The following TAS2R7 variants were observed in gnomAD, a reference collection of about 807,000 sequenced individuals.
TAS2R7 encodes the protein taste receptor type 2 member 7.
For missense variants in TAS2R7, 403 were observed against 366.0 expected (o/e 1.10, Z -0.82); for synonymous variants, 159 against 138.8 (o/e 1.15, Z -1.02).
chr12:10,801,906 C>T lies in TAS2R7; in HGVS notation c.665G>A (p.Cys222Tyr). Residue 222 changes from cysteine (C) to tyrosine (Y), a missense_variant, in exon 1 of 1, where the codon TGC becomes TAC. Physicochemically the swap from Cys to Tyr is radical, Grantham distance 194. Transcript: ENST00000240687. The stretch of plus-strand genomic sequence containing the variant: ...ATGGGCTTCTGTGCTGGGGTCTCTG[C>T]ACCCTGTGGCACTGAGCTGCATTCG... ...IRRMQLSATG[C>Y]RDPSTEAHVR... 1 of 1,613,944 alleles carries T rather than the reference C, an allele frequency of 6.2e-7. No homozygotes were observed. Among genetic ancestry groups the T allele is most frequent in the South Asian group, 1.1e-5 (1 of 91,076 alleles).
Position 10,802,227 on chromosome 12 carries a change from A to G in TAS2R7, c.344T>C (p.Phe115Ser), listed in dbSNP as rs757684928. 1.2e-6 allele frequency: 2 copies of G among 1,613,784 alleles called. No individual in the cohort carries two copies. The highest frequency in any genetic ancestry group is 2.2e-5 in the East Asian group (1 of 44,838). ...CTTCATCCAGAGGAAAAGTGGGTGA[A>G]AGAAATTACCTATCTTGAAGAAATA... ...IYYFFKIGNFFHPLFLWMKWR... is the reference protein window; with the variant it reads ...IYYFFKIGNFSHPLFLWMKWR... Residue 115 changes from phenylalanine to serine, a missense_variant, in exon 1 of 1, where the codon TTT becomes TCT. Transcript: ENST00000240687.
Position 10,801,815 on chromosome 12 carries a change from G to C in TAS2R7, c.756C>G (p.Leu252=). The C allele has an allele frequency of 6.2e-7, 1 of 1,614,000 alleles. No homozygotes were observed. The change falls in exon 1 of 1, where the codon CTC becomes CTG. Residue 252 remains leucine, a synonymous_variant. Coordinates refer to ENST00000240687, the MANE Select transcript of TAS2R7 (RefSeq NM_023919.2). ...LLFIAYYLSF[L]IATSSYFMPE... ...GCATAAAGTAGCTGGAGGTGGCAAT[G>C]AGAAAGGACAAATAGTAGGCAATAA...
Position 10,802,164 on chromosome 12 carries a change from CCCAGTAGAAT to C in TAS2R7, c.397_406del (p.Ile133GlyfsTer17). 1 of 1,613,696 alleles carries C rather than the reference CCCAGTAGAAT, an allele frequency of 6.2e-7. No individual in the cohort carries two copies. Among genetic ancestry groups the C allele is most frequent in the Non-Finnish European group, 8.5e-7 (1 of 1,179,898 alleles). On this transcript the variant is annotated frameshift_variant, in exon 1 of 1. Transcript: ENST00000240687. LOFTEE classifies it low-confidence loss of function (END_TRUNC). Reference sequence around the variant, plus strand: ...AATAAACACAGAGAGAACCACGCACCCCAGTAGAATCCAGGAAATCACCCTGTCAATTCTC... The same window carrying C: ...AATAAACACAGAGAGAACCACGCACCCCAGGAAATCACCCTGTCAATTCTC...
Position 10,801,586 on chromosome 12 carries a change from G to A in TAS2R7, c.*28C>T. 1 of 1,364,122 alleles carries A rather than the reference G, an allele frequency of 7.3e-7. No individual in the cohort carries two copies. The highest frequency in any genetic ancestry group is 1.3e-5 in the South Asian group (1 of 76,124). The allele number at this position is 1,364,122 out of a possible 1,614,324, so 84.5% of individuals were successfully genotyped here. ...GTTAATTTAGAAACATCTTATCTTT[G>A]TTTGTCCTAGAAAAGCATAGTTTCT... On this transcript the variant is annotated 3_prime_UTR_variant, in exon 1 of 1. Transcript: ENST00000240687.
In TAS2R7 at chr12:10,802,300, G is replaced by T. The variant is rs999859886; in HGVS notation, c.271C>A (p.Leu91Ile). 1.9e-6 allele frequency: 3 copies of T among 1,614,006 alleles called. No homozygotes were observed. Among genetic ancestry groups the T allele is most frequent in the Admixed American group, 1.7e-5 (1 of 59,962 alleles). Residue 91 changes from leucine to isoleucine, a missense_variant, in exon 1 of 1, where the codon CTA becomes ATA. By Grantham distance (5) the Leu-to-Ile change is conservative. Transcript: ENST00000240687. ...EMRIIDFFWTLTNHLSIWFAT... is the reference protein window; with the variant it reads ...EMRIIDFFWTITNHLSIWFAT... ...AACCAGATACTTAAATGATTGGTTA[G>T]TGTCCAGAAGAAGTCAATGATTCTC...
At position 10,802,001 on chromosome 12, in the gene TAS2R7, C is replaced by A; in HGVS notation, c.570G>T (p.Thr190=). The change falls in exon 1 of 1, where the codon ACG becomes ACT. Residue 190 remains threonine, a synonymous_variant. Transcript: ENST00000240687. ...ASTKLFLNLA[T]LLPFCVCLMS... ...TTAGGCACACACAAAAGGGGAGCAG[C>A]GTTGCCAGGTTGAGAAATAACTTGG... The A allele has an allele frequency of 6.2e-7, 1 of 1,613,830 alleles. No individual in the cohort carries two copies. Among genetic ancestry groups the A allele is most frequent in the Non-Finnish European group, 8.5e-7 (1 of 1,179,938 alleles).
Position 10,801,902 on chromosome 12 carries a change from T to G in TAS2R7, c.669A>C (p.Arg223Ser). 6.2e-7 allele frequency: 1 copy of G among 1,613,988 alleles called. No homozygotes were observed. The highest frequency in any genetic ancestry group is 2.2e-5 in the East Asian group (1 of 44,862). The change falls in exon 1 of 1, where the codon AGA becomes AGC. Residue 223 changes from arginine (R) to serine (S), a missense_variant. Transcript: ENST00000240687. ...RRMQLSATGC[R>S]DPSTEAHVRA... is the part of the protein sequence containing the mutation. ...TCACATGGGCTTCTGTGCTGGGGTCTCTGCACCCTGTGGCACTGAGCTGCA... is the reference window on the plus strand; with the variant it reads ...TCACATGGGCTTCTGTGCTGGGGTCGCTGCACCCTGTGGCACTGAGCTGCA...
rs376708871 is a variant in TAS2R7 at position 10,802,112 on chromosome 12, G to T, written c.459C>A (p.Asn153Lys). The T allele has an allele frequency of 1.2e-6, 2 of 1,613,774 alleles. No homozygotes were observed. The highest frequency in any genetic ancestry group is 1.7e-6 in the Non-Finnish European group (2 of 1,179,974). ...CCTTCACACAAAACCTGAAATCAGC[G>T]TTCAAATTCTCAGTGGCTGGAAGGC... ...FISLPATENLNADFRFCVKAK... is the reference protein window; with the variant it reads ...FISLPATENLKADFRFCVKAK... Residue 153 changes from asparagine (N) to lysine (K), a missense_variant, in exon 1 of 1, where the codon AAC becomes AAA. By Grantham distance (94) the Asn-to-Lys change is moderately conservative (BLOSUM62 0). Coordinates refer to ENST00000240687, the MANE Select transcript of TAS2R7 (RefSeq NM_023919.2).
In TAS2R7 at chr12:10,802,033, C is replaced by A. The variant is rs76112700; in HGVS notation, c.538G>T (p.Ala180Ser). Residue 180 changes from alanine (A) to serine (S), a missense_variant, in exon 1 of 1, where the codon GCT becomes TCT. Transcript: ENST00000240687. ...WSCRVNKTQHASTKLFLNLAT... is the reference protein window; with the variant it reads ...WSCRVNKTQHSSTKLFLNLAT... ...AGGTTGAGAAATAACTTGGTAGAAGCATGTTGAGTTTTATTTACTCTGCAA... is the reference window on the plus strand; with the variant it reads ...AGGTTGAGAAATAACTTGGTAGAAGAATGTTGAGTTTTATTTACTCTGCAA... The A allele has an allele frequency of 9.1e-3, 14,659 of 1,613,816 alleles. 132 individuals are homozygous for A. The highest frequency in any genetic ancestry group is 0.047 in the East Asian group (2,108 of 44,840).
chr12:10,802,098 AACCTGAAATCAGCGTTCAAATTCTCAGT>A lies in TAS2R7; in HGVS notation c.445_472del (p.Thr149PhefsTer3), dbSNP rs1948692513. 1 of 1,613,836 alleles carries A rather than the reference AACCTGAAATCAGCGTTCAAATTCTCAGT, an allele frequency of 6.2e-7. No individual in the cohort carries two copies. The highest frequency in any genetic ancestry group is 8.5e-7 in the Non-Finnish European group (1 of 1,179,980). ...TGTTTTCCTCTTTGCCTTCACACAA[AACCTGAAATCAGCGTTCAAATTCTCAGT>A]GGCTGGAAGGCTAATAAACACAGAG... On this transcript the variant is annotated frameshift_variant, in exon 1 of 1. Coordinates refer to ENST00000240687, the MANE Select transcript of TAS2R7 (RefSeq NM_023919.2). LOFTEE classifies it low-confidence loss of function (END_TRUNC).
At position 10,802,181 on chromosome 12, in the gene TAS2R7, A is replaced by C. The variant is rs771711804; in HGVS notation, c.390T>G (p.Ile130Met). 1 of 1,613,660 alleles carries C rather than the reference A, an allele frequency of 6.2e-7. No homozygotes were observed. The highest frequency in any genetic ancestry group is 1.3e-5 in the African/African-American group (1 of 74,916). Residue 130 changes from isoleucine to methionine, a missense_variant, in exon 1 of 1, where the codon ATT becomes ATG. Transcript: ENST00000240687. ...LWMKWRIDRV[I>M]SWILLGCVVL... ...CCACGCACCCCAGTAGAATCCAGGAAATCACCCTGTCAATTCTCCACTTCA... is the reference window on the plus strand; with the variant it reads ...CCACGCACCCCAGTAGAATCCAGGACATCACCCTGTCAATTCTCCACTTCA...
chr12:10,801,811 C>T lies in TAS2R7; in HGVS notation c.760G>A (p.Ala254Thr). 1 of 1,613,868 alleles carries T rather than the reference C, an allele frequency of 6.2e-7. No individual in the cohort carries two copies. Among genetic ancestry groups the T allele is most frequent in the South Asian group, 1.1e-5 (1 of 91,070 alleles). ...TCTGGCATAAAGTAGCTGGAGGTGG[C>T]AATGAGAAAGGACAAATAGTAGGCA... ...FIAYYLSFLI[A>T]TSSYFMPETE... The change falls in exon 1 of 1, where the codon GCC (alanine) becomes ACC (threonine). Residue 254 changes from alanine to threonine, a missense_variant. Coordinates refer to ENST00000240687, the MANE Select transcript of TAS2R7 (RefSeq NM_023919.2).
Position 10,802,141 on chromosome 12 carries a change from T to A in TAS2R7, c.430A>T (p.Ile144Phe). 1 of 1,613,856 alleles carries A rather than the reference T, an allele frequency of 6.2e-7. No individual in the cohort carries two copies. Among genetic ancestry groups the A allele is most frequent in the East Asian group, 2.2e-5 (1 of 44,846 alleles). The part of the protein sequence containing the change: ...LLGCVVLSVF[I>F]SLPATENLNA... ...AAATTCTCAGTGGCTGGAAGGCTAA[T>A]AAACACAGAGAGAACCACGCACCCC... The change falls in exon 1 of 1, where the codon ATT becomes TTT. Residue 144 changes from isoleucine (I) to phenylalanine (F), a missense_variant. Transcript: ENST00000240687.
Position 10,801,897 on chromosome 12 carries a change from G to C in TAS2R7, c.674C>G (p.Pro225Arg). Residue 225 changes from proline (P) to arginine (R), a missense_variant, in exon 1 of 1, where the codon CCC becomes CGC. Transcript: ENST00000240687. ...MQLSATGCRDPSTEAHVRALK... is the reference protein window; with the variant it reads ...MQLSATGCRDRSTEAHVRALK... The stretch of plus-strand genomic sequence containing the variant: ...GGCTCTCACATGGGCTTCTGTGCTG[G>C]GGTCTCTGCACCCTGTGGCACTGAG... 1 of 1,613,902 alleles carries C rather than the reference G, an allele frequency of 6.2e-7. No homozygotes were observed. Among genetic ancestry groups the C allele is most frequent in the South Asian group, 1.1e-5 (1 of 91,062 alleles).
rs1948686712 is a variant in TAS2R7 at position 10,801,553 on chromosome 12, G to T, written c.*61C>A. 3 of 1,081,890 alleles carry T rather than the reference G, an allele frequency of 2.8e-6. No homozygotes were observed. Among genetic ancestry groups the T allele is most frequent in the East Asian group, 4.7e-5 (2 of 42,402 alleles). 67.0% of individuals were successfully genotyped at this position (1,081,890 alleles called of 1,614,324 possible). Reference sequence around the variant, plus strand: ...TTAATCACATAAAACATTAATGCAAGAACTGAAGTTAATTTAGAAACATCT... The same window carrying T: ...TTAATCACATAAAACATTAATGCAATAACTGAAGTTAATTTAGAAACATCT... On this transcript the variant is annotated 3_prime_UTR_variant, in exon 1 of 1. Transcript: ENST00000240687.
rs1948690115 is a variant in TAS2R7 at position 10,801,912 on chromosome 12, G to A, written c.659C>T (p.Thr220Ile). 6.2e-7 allele frequency: 1 copy of A among 1,613,990 alleles called. No homozygotes were observed. The highest frequency in any genetic ancestry group is 1.7e-4 in the Middle Eastern group (1 of 6,060). Residue 220 changes from threonine to isoleucine, a missense_variant, in exon 1 of 1, where the codon ACA (threonine) becomes ATA (isoleucine). Coordinates refer to ENST00000240687, the MANE Select transcript of TAS2R7 (RefSeq NM_023919.2). The stretch of plus-strand genomic sequence containing the variant: ...TTCTGTGCTGGGGTCTCTGCACCCT[G>A]TGGCACTGAGCTGCATTCGCCTGAT... ...RHIRRMQLSA[T>I]GCRDPSTEAH...
rs757464219 is a variant in TAS2R7, at chr12:10,802,145, C to CA, written c.425dup (p.Phe143ValfsTer3). On this transcript the variant is annotated frameshift_variant, in exon 1 of 1. Coordinates refer to ENST00000240687, the MANE Select transcript of TAS2R7 (RefSeq NM_023919.2). LOFTEE classifies it low-confidence loss of function (END_TRUNC). ...TCTCAGTGGCTGGAAGGCTAATAAACACAGAGAGAACCACGCACCCCAGTA... is the reference window on the plus strand; with the variant it reads ...TCTCAGTGGCTGGAAGGCTAATAAACAACAGAGAGAACCACGCACCCCAGTA... 6.2e-7 allele frequency: 1 copy of CA among 1,613,738 alleles called. No individual in the cohort carries two copies. Among genetic ancestry groups the CA allele is most frequent in the Non-Finnish European group, 8.5e-7 (1 of 1,179,902 alleles).
In TAS2R7 at chr12:10,801,813, A is replaced by G. The variant is rs150807475; in HGVS notation, c.758T>C (p.Ile253Thr). The G allele has an allele frequency of 6.2e-7, 1 of 1,614,010 alleles. No individual in the cohort carries two copies. Among genetic ancestry groups the G allele is most frequent in the Non-Finnish European group, 8.5e-7 (1 of 1,179,982 alleles). The change falls in exon 1 of 1, where the codon ATT becomes ACT. Residue 253 changes from isoleucine (I) to threonine (T), a missense_variant. By Grantham distance (89) the Ile-to-Thr change is moderately conservative. Coordinates refer to ENST00000240687, the MANE Select transcript of TAS2R7 (RefSeq NM_023919.2). ...LFIAYYLSFL[I>T]ATSSYFMPET... is the part of the protein sequence containing the mutation. Reference sequence around the variant, plus strand: ...TGGCATAAAGTAGCTGGAGGTGGCAATGAGAAAGGACAAATAGTAGGCAAT... The same window carrying G: ...TGGCATAAAGTAGCTGGAGGTGGCAGTGAGAAAGGACAAATAGTAGGCAAT...
Position 10,801,737 on chromosome 12 carries a change from G to C in TAS2R7, c.834C>G (p.Pro278=). Residue 278 remains proline (P), a synonymous_variant, in exon 1 of 1, where the codon CCC becomes CCG. Transcript: ENST00000240687. ...GTATTAGGATAAATGAATGACTTGA[G>C]GGGTAGATTAGAGCTATGGACTCAC... ...IFGESIALIY[P]SSHSFILILG... The C allele has an allele frequency of 6.2e-7, 1 of 1,613,930 alleles. No individual in the cohort carries two copies. Among genetic ancestry groups the C allele is most frequent in the Non-Finnish European group, 8.5e-7 (1 of 1,179,872 alleles).
Sources: allele counts gnomAD v4.1 joint callset, GRCh38; gene constraint gnomAD v4.1.1; transcripts MANE v1.5; gene names NCBI Gene and HGNC (gene_info 2026-07-23, HGNC 2026-07-21).